The following MUC7 variants were observed in gnomAD, a reference collection of about 807,000 sequenced individuals.
The protein encoded by MUC7 is mucin-7.
In MUC7, 2 loss-of-function variants were observed where a neutral mutation model predicts 2.5. The ratio of observed to expected loss-of-function variants is 0.81; its 90% CI spans 0.33 to 2.55. The LOEUF is 2.55. Ranked by LOEUF, MUC7 falls within the 30% of genes most tolerant of loss-of-function variation. The pLI, the probability that MUC7 is intolerant of heterozygous loss-of-function variation, is 0.11. For synonymous variants in MUC7, 133 were observed against 173.4 expected (o/e 0.77, Z 1.83); for missense variants, 408 against 455.6 (o/e 0.90, Z 0.95).
intron 1 of MUC7, among the ~76,000 whole-genome samples, chr4:70,447,023 C>T (rs539879781): frequency 3.4e-4 from 50 of 147,430 alleles, no homozygotes; most frequent in African/African-American, 1.2e-3. Flanking sequence ...GAAAGACATC[C>T]CAACATGAGA....
intron 1 of MUC7, among the ~76,000 whole-genome samples, chr4:70,434,685 G>T (rs769255895): frequency 2.6e-5 from 4 of 151,850 alleles, no homozygotes; most frequent in Non-Finnish European, 4.4e-5. Flanking sequence ...TTGATTTTTT[G>T]AAGGGCTTTT....
intron 1 of MUC7, among the ~76,000 whole-genome samples, chr4:70,449,908 C>T (rs1444112879): frequency 1.3e-5 from 2 of 152,204 alleles, no homozygotes; most frequent in African/African-American, 4.8e-5. Flanking sequence ...CTGAAGCAAG[C>T]ACAGCTCTGG....
chr4:70,444,346 G>A (rs753997180), intron 1 of MUC7, among the ~76,000 whole-genome samples: 4 of 152,148 alleles, frequency 2.6e-5, no homozygotes, highest in Non-Finnish European at 5.9e-5. Context: ...CTGTGGAAAA[G>A]GCCACAACAC....
intron 1 of MUC7, among the ~76,000 whole-genome samples, chr4:70,454,815 T>C (rs562872771): frequency 5.9e-5 from 9 of 152,192 alleles, no homozygotes; most frequent in Non-Finnish European, 1.0e-4. Flanking sequence ...AGACAACTAA[T>C]GGCATTTCAT....
At chr4:70,444,778 G>A (rs1249997427) in intron 1 of MUC7, among the ~76,000 whole-genome samples, 5 of 152,140 alleles carry the variant, frequency 3.3e-5, no homozygotes, top group African/African-American at 1.2e-4. Flanking sequence ...TGGGCCAGGT[G>A]CGGTGGCTCA....
chr4:70,451,461 AGTT>A (rs1734278679), intron 1 of MUC7, among the ~76,000 whole-genome samples: 2 of 152,184 alleles, frequency 1.3e-5, no homozygotes, highest in South Asian at 4.1e-4. Flanking sequence ...CTCTGTAGAT[AGTT>A]GTTAACTCAG....
intron 1 of MUC7, among the ~76,000 whole-genome samples, chr4:70,466,103 T>C (rs1734676916): frequency 1.3e-5 from 2 of 152,194 alleles, no homozygotes; most frequent in Admixed American, 1.3e-4. Flanking sequence ...GGGGCCAATA[T>C]TCAACATTCT....
chr4:70,471,586 G>A (rs373144959), upstream of MUC7, among the ~76,000 whole-genome samples: 77 of 152,228 alleles, frequency 5.1e-4, 2 homozygotes, highest in South Asian at 0.016. Flanking sequence ...ATAGCAAAAT[G>A]TTAAGAATTA....
intron 1 of MUC7, among the ~76,000 whole-genome samples, chr4:70,443,963 G>A (rs1020201583): frequency 6.6e-6 from 1 of 152,124 alleles, no homozygotes; most frequent in African/African-American, 2.4e-5. Flanking sequence ...TTTCTTGTAA[G>A]CCCAAATCCA....
At chr4:70,471,244 T>C (rs1022307724), upstream of MUC7, among the ~76,000 whole-genome samples, 3 of 152,144 alleles carry the variant, frequency 2.0e-5, no homozygotes, top group African/African-American at 7.2e-5. Flanking sequence ...TAAATATTTA[T>C]AAAATGACTA....
At chr4:70,471,506 T>C (rs1019966982), upstream of MUC7, among the ~76,000 whole-genome samples, 6 of 152,198 alleles carry the variant, frequency 3.9e-5, no homozygotes, top group Non-Finnish European at 8.8e-5. Flanking sequence ...AGAGAAATGC[T>C]GAAATAGAGA....
At chr4:70,432,740 G>C (rs1577894795) in intron 1 of MUC7, among the ~76,000 whole-genome samples, 2 of 152,130 alleles carry the variant, frequency 1.3e-5, no homozygotes, top group African/African-American at 4.8e-5. Context: ...AGTTTAATTA[G>C]ATCCCATTTG....
chr4:70,462,940 C>T (rs1203402808), intron 1 of MUC7, among the ~76,000 whole-genome samples: 17 of 152,038 alleles, frequency 1.1e-4, no homozygotes, highest in Admixed American at 8.5e-4. Flanking sequence ...CACTCCAGCC[C>T]GGGCAACAGA....
At chr4:70,460,807 G>A (rs1275139769) in intron 1 of MUC7, among the ~76,000 whole-genome samples, 1 of 152,166 alleles carries the variant, frequency 6.6e-6, no homozygotes, top group Non-Finnish European at 1.5e-5. Flanking sequence ...TCATATGGGG[G>A]CTGTGGTTCC....
At chr4:70,460,981 G>T (rs1013025175) in intron 1 of MUC7, among the ~76,000 whole-genome samples, 1 of 152,190 alleles carries the variant, frequency 6.6e-6, no homozygotes, top group African/African-American at 2.4e-5. Flanking sequence ...GGATCATGTG[G>T]GTAGAGGATC....
chr4:70,434,430 T>C (rs1368876310), intron 1 of MUC7, among the ~76,000 whole-genome samples: 1 of 152,244 alleles, frequency 6.6e-6, no homozygotes, highest in Non-Finnish European at 1.5e-5. Flanking sequence ...ATTCAACTTC[T>C]TCCTAGTGTA....
intron 1 of MUC7, among the ~76,000 whole-genome samples, chr4:70,453,315 G>A (rs1734326476): frequency 1.3e-5 from 2 of 152,236 alleles, no homozygotes; most frequent in Admixed American, 1.3e-4. Context: ...TTCTAGTGTA[G>A]TGCAGCTAAG....
intron 1 of MUC7, among the ~76,000 whole-genome samples, chr4:70,436,800 C>A (rs1327710338): frequency 2.0e-5 from 3 of 152,166 alleles, no homozygotes; most frequent in Non-Finnish European, 4.4e-5. Context: ...GAATTTTCAG[C>A]TTTTCTGTTC....
upstream of MUC7, among the ~76,000 whole-genome samples, chr4:70,470,683 G>T (rs929628474): frequency 2.6e-5 from 4 of 152,056 alleles, no homozygotes; most frequent in Admixed American, 6.6e-5. Flanking sequence ...ACTTAGAAAA[G>T]CTTGTTCAGA....
Sources: gnomAD v4.1 joint callset for allele counts (sites outside exome capture counted in the v4.1 genomes callset) on GRCh38, gnomAD v4.1.1 for gene constraint, MANE v1.5 for transcripts, NCBI Gene and HGNC (gene_info 2026-07-23, HGNC 2026-07-21) for gene names.